The following ANKFN1 variants were observed in gnomAD, a reference collection of about 807,000 sequenced individuals.
The protein encoded by ANKFN1 is ankyrin repeat and fibronectin type-III domain-containing protein 1.
ANKFN1 carries 74 observed loss-of-function variants against 108.7 expected under a neutral mutation model. The observed-to-expected ratio is 0.68, with a 90% CI of 0.56 to 0.83. The LOEUF is 0.83. ANKFN1 is among the 40% of genes least tolerant of loss of function. The pLI is 0.00. For synonymous variants in ANKFN1, 547 were observed against 516.2 expected (o/e 1.06, Z -0.81); for missense variants, 1,505 against 1,382.3 (o/e 1.09, Z -1.41).
chr17:56,507,897 A>T (rs2051620435), intron 20 of ANKFN1, among the ~76,000 whole-genome samples: 1 of 152,194 alleles, frequency 6.6e-6, no homozygotes, highest in East Asian at 1.9e-4. Flanking sequence ...CTCTTTCATT[A>T]AAATCCACTT....
At chr17:56,087,205 T>A (rs1418483271) in intron 4 of ANKFN1, among the ~76,000 whole-genome samples, 1 of 151,270 alleles carries the variant, frequency 6.6e-6, no homozygotes, top group Admixed American at 6.6e-5. Flanking sequence ...ATTTCCCAGG[T>A]CTTTCATGGG....
Position 56,139,677 on chromosome 17 carries a change from C to A in ANKFN1, c.289-88240C>A, listed in dbSNP as rs116970064. 1.6e-3 allele frequency among the ~76,000 whole-genome samples: 237 copies of A among 152,262 alleles called. 4 individuals are homozygous for A. The East Asian group carries it at 0.039, about 25-fold the overall frequency. ...TCAGCCTGAAGAAGTGAGAAAAGGA[C>A]CACCCCACTTATAGAGGCTGCTCAG... On this transcript the variant is annotated intron_variant, in intron 4 of 12. Coordinates refer to the ANKFN1 transcript ENST00000635860.
At chr17:56,298,600 A>T (rs2044584296) in intron 3 of ANKFN1, among the ~76,000 whole-genome samples, 1 of 152,084 alleles carries the variant, frequency 6.6e-6, no homozygotes, top group African/African-American at 2.4e-5. Context: ...TTTATAAACA[A>T]CATTTTCATC....
At chr17:56,421,756 T>G (rs1430605647) in intron 8 of ANKFN1, among the ~76,000 whole-genome samples, 2 of 152,176 alleles carry the variant, frequency 1.3e-5, no homozygotes, top group Non-Finnish European at 2.9e-5. Context: ...CATTATGTCA[T>G]TTAACGACCC....
intron 3 of ANKFN1, among the ~76,000 whole-genome samples, chr17:56,277,257 G>T (rs1214012528): frequency 1.3e-5 from 2 of 152,156 alleles, no homozygotes; most frequent in African/African-American, 2.4e-5. Context: ...TCATTCTAGA[G>T]TAATGACTAA....
At position 56,326,336 on chromosome 17, in the gene ANKFN1, G is replaced by A; in HGVS notation, c.169G>A (p.Ala57Thr). ...ATTACCAACAACTTGTTCCTCTGCT[G>A]CCTCGAACAGCATAAACTGGTAAGT... Reference protein sequence around the residue: ...GQLPTTCSSAASNSINWNCRV... With the variant: ...GQLPTTCSSATSNSINWNCRV... The change falls in exon 4 of 21, where the codon GCC becomes ACC. Residue 57 changes from alanine to threonine, a missense_variant. By Grantham distance (58) the Ala-to-Thr change is moderately conservative. Coordinates refer to ENST00000682825, the MANE Select transcript of ANKFN1 (RefSeq NM_001370326.1). 1 of 1,613,126 alleles carries A rather than the reference G, an allele frequency of 6.2e-7. No individual in the cohort carries two copies. The highest frequency in any genetic ancestry group is 2.2e-5 in the East Asian group (1 of 44,830).
intron 8 of ANKFN1, among the ~76,000 whole-genome samples, chr17:56,425,127 TA>T (rs59432133): frequency 0.015 from 2,114 of 139,562 alleles, 11 homozygotes; most frequent in African/African-American, 0.02. Context: ...AGCTCTTAGT[TA>T]AAAAAAAAAA....
At chr17:56,123,448 A>G (rs1209342438) in intron 4 of ANKFN1, among the ~76,000 whole-genome samples, 4 of 152,180 alleles carry the variant, frequency 2.6e-5, no homozygotes, top group Non-Finnish European at 5.9e-5. Flanking sequence ...AAAGTGAGGG[A>G]GAGTGCTCTG....
At chr17:56,351,043 A>G (rs2046235279) in intron 5 of ANKFN1, 76 bp downstream of exon 5, 2 of 1,441,052 alleles carry the variant, frequency 1.4e-6, no homozygotes, top group African/African-American at 2.8e-5. Context: ...TTCTAAGATG[A>G]TTCATGTTTA....
chr17:56,487,765 G>C (rs536354906), intron 18 of ANKFN1, among the ~76,000 whole-genome samples: 1 of 152,306 alleles, frequency 6.6e-6, no homozygotes, highest in East Asian at 1.9e-4. Context: ...TCAAAGGAAA[G>C]ACATCTAATT....
At chr17:56,169,720 G>A (rs1910478971) in intron 1 of ANKFN1, among the ~76,000 whole-genome samples, 3 of 152,200 alleles carry the variant, frequency 2.0e-5, no homozygotes, top group Admixed American at 2.0e-4. Flanking sequence ...CCAGGAGACA[G>A]CGCCAAGCCA....
chr17:56,208,803 C>A (rs762897435), intron 1 of ANKFN1, among the ~76,000 whole-genome samples: 1 of 152,118 alleles, frequency 6.6e-6, no homozygotes, highest in Non-Finnish European at 1.5e-5. Flanking sequence ...GACAATCTTT[C>A]GGGACAGAGG....
intron 3 of ANKFN1, among the ~76,000 whole-genome samples, chr17:56,318,073 T>C (rs1349762767): frequency 1.3e-5 from 2 of 152,330 alleles, no homozygotes; most frequent in East Asian, 3.9e-4. Flanking sequence ...ATATTAGTGA[T>C]TGGAATGACA....
chr17:56,384,371 C>T (rs916653340), intron 8 of ANKFN1, among the ~76,000 whole-genome samples: 5 of 152,292 alleles, frequency 3.3e-5, no homozygotes, highest in African/African-American at 1.2e-4. Context: ...CAGCCAATAT[C>T]ATACTGAATG....
intron 3 of ANKFN1, among the ~76,000 whole-genome samples, chr17:56,317,987 A>C (rs1303877662): frequency 2.0e-5 from 3 of 152,184 alleles, no homozygotes; most frequent in Non-Finnish European, 4.4e-5. Context: ...AAACAATGAT[A>C]ACCACCACCA....
intron 20 of ANKFN1, among the ~76,000 whole-genome samples, chr17:56,503,907 T>C (rs2051466142): frequency 2.6e-5 from 4 of 152,200 alleles, no homozygotes; most frequent in Admixed American, 2.6e-4. Flanking sequence ...TTGAGGAGCA[T>C]AAGCAAGTTT....
chr17:56,060,994 T>A lies in ANKFN1; in HGVS notation c.288+14669T>A, dbSNP rs539487989. ...CCTCTTTTTCAACTGTTTGGAATAG[T>A]TTCAGAAGGAATGGTACCAGCTCCT... On this transcript the variant is annotated intron_variant, in intron 4 of 12. Transcript: ENST00000635860. 3.3e-5 allele frequency among the ~76,000 whole-genome samples: 5 copies of A among 152,336 alleles called. No homozygotes were observed. The South Asian group carries it at 1.0e-3, about 32-fold the overall frequency.
At chr17:56,473,240 G>GA (rs759315374) in intron 15 of ANKFN1, 1 of 152,094 alleles carries the variant, frequency 6.6e-6, no homozygotes, top group South Asian at 2.1e-4. Context: ...TATGGGGAAA[G>GA]AAAAAACAAT....
rs113058976 is a variant in ANKFN1 at position 56,134,507 on chromosome 17, T to A, written c.288+88182T>A. Among the ~76,000 whole-genome samples, 1,333 of 152,108 alleles carry A rather than the reference T, an allele frequency of 8.8e-3. 21 individuals carry two copies. The highest frequency in any genetic ancestry group is 0.03 in the African/African-American group (1,234 of 41,496). On this transcript the variant is annotated intron_variant, in intron 4 of 12. Coordinates refer to the ANKFN1 transcript ENST00000635860. Reference sequence around the variant, plus strand: ...TAACCTCAAAAGAACAAAAGATGCTTCTGTCACCCAGGAAATTCCAAGAGA... The same window carrying A: ...TAACCTCAAAAGAACAAAAGATGCTACTGTCACCCAGGAAATTCCAAGAGA...
Sources: allele counts gnomAD v4.1 joint callset (sites outside exome capture counted in the v4.1 genomes callset), GRCh38; gene constraint gnomAD v4.1.1; transcripts MANE v1.5; gene names NCBI Gene and HGNC (gene_info 2026-07-23, HGNC 2026-07-21).